TERF2: variants seen among roughly 807,000 people sequenced by gnomAD.
TERF2 encodes the protein telomeric repeat-binding factor 2.
A neutral mutation model predicts 56.1 loss-of-function variants in TERF2; 16 were observed. The ratio of observed to expected loss-of-function variants is 0.29; its 90% CI spans 0.19 to 0.43. The LOEUF (loss-of-function observed/expected upper bound fraction) is 0.43, where lower values mean the gene tolerates loss of function less well. Among genes scored for constraint, TERF2 ranks in the 20% least tolerant of loss-of-function variants. TERF2 has a pLI of 1.00. For synonymous variants in TERF2, 296 were observed against 282.1 expected, an observed-to-expected ratio of 1.05 and a Z score of -0.50; for missense variants, 547 against 712.9, an observed-to-expected ratio of 0.77 and a Z score of 2.65.
chr16:69,358,715 A>G (rs963298111), intron 8 of TERF2, among the ~76,000 whole-genome samples: 7 of 151,576 alleles, frequency 4.6e-5, no homozygotes, highest in Non-Finnish European at 7.4e-5. Context: ...TCATGTCCCC[A>G]TGTCTAACAA....
intron 6 of TERF2, among the ~76,000 whole-genome samples, chr16:69,367,450 C>T (rs1279344381): frequency 6.6e-6 from 1 of 152,062 alleles, no homozygotes; most frequent in Non-Finnish European, 1.5e-5. Flanking sequence ...TACAGTGGCA[C>T]AAACACAGCT....
At chr16:69,385,370 A>G (rs764233721) in intron 2 of TERF2, 21 bp downstream of exon 2, 4 of 1,603,750 alleles carry the variant, frequency 2.5e-6, no homozygotes, top group Non-Finnish European at 3.4e-6. Context: ...AGCCCAGAGA[A>G]GAACACAAAA....
chr16:69,365,487 T>A (rs1318485489), intron 7 of TERF2: 1 of 152,544 alleles, frequency 6.6e-6, no homozygotes, highest in African/African-American at 2.4e-5. Context: ...TCACTAGTGG[T>A]GACCAGGGAG....
At chr16:69,369,679 G>A (rs1291366519) in intron 5 of TERF2, among the ~76,000 whole-genome samples, 1 of 152,110 alleles carries the variant, frequency 6.6e-6, no homozygotes, top group Non-Finnish European at 1.5e-5. Context: ...TGACAGCCTG[G>A]GTCTAGTTCT....
In TERF2 at chr16:69,363,275, G is replaced by A. The variant is rs547827244; in HGVS notation, c.1341-1786C>T. Reference sequence around the variant, plus strand: ...TGGAACCTCAGTCCCCAGCTGGTCCGTCATGTTCCCTGAGTGGCTGTCCTC... The same window carrying A: ...TGGAACCTCAGTCCCCAGCTGGTCCATCATGTTCCCTGAGTGGCTGTCCTC... On this transcript the variant is annotated intron_variant, in intron 7 of 9. Coordinates refer to ENST00000254942, the MANE Select transcript of TERF2 (RefSeq NM_005652.5). Among the ~76,000 whole-genome samples, 203 of 152,286 alleles carry A rather than the reference G, an allele frequency of 1.3e-3. 1 individual carries two copies. The highest frequency in any genetic ancestry group is 4.6e-3 in the African/African-American group (190 of 41,550).
intron 3 of TERF2, among the ~76,000 whole-genome samples, chr16:69,377,490 GC>G (rs2013838517): frequency 6.6e-6 from 1 of 152,042 alleles, no homozygotes; most frequent in South Asian, 2.1e-4. Context: ...ACCATGCCCA[GC>G]TAATTTTTGT....
At chr16:69,381,884 T>G (rs1201274319) in intron 3 of TERF2, among the ~76,000 whole-genome samples, 1 of 152,198 alleles carries the variant, frequency 6.6e-6, no homozygotes, top group East Asian at 1.9e-4. Context: ...AAGACATTCT[T>G]TTTTAAATTT....
At chr16:69,375,456 C>T (rs1304923382) in intron 3 of TERF2, among the ~76,000 whole-genome samples, 1 of 152,146 alleles carries the variant, frequency 6.6e-6, no homozygotes, top group African/African-American at 2.4e-5. Context: ...CTCAGCACTT[C>T]AGAAGGCCAA....
At position 69,368,692 on chromosome 16, in the gene TERF2, TTTGAGAGGGA is replaced by T; in HGVS notation, c.841-220_841-211del. The T allele has an allele frequency of 3.1e-6, 4 of 1,283,538 alleles. No homozygotes were observed. In the East Asian group the frequency reaches 1.3e-4, roughly 41 times the overall value. 79.5% of individuals were successfully genotyped at this position (1,283,538 alleles called of 1,614,324 possible). A position where few individuals can be genotyped will look rare whatever the true frequency, so the allele number is the denominator to read the frequency against. ...AACTTAAGATAACTAATACATTTTT[TTTGAGAGGGA>T]GTCTTGCTCTGTCGCCCAGGCTGCA... On this transcript the variant is annotated intron_variant, in intron 5 of 9. Transcript: ENST00000254942.
At position 69,361,432 on chromosome 16, in the gene TERF2, C is replaced by T. The variant is rs1215635063; in HGVS notation, c.1398G>A (p.Val466=). 5 of 1,614,000 alleles carry T rather than the reference C, an allele frequency of 3.1e-6. No individual in the cohort carries two copies. In the East Asian group the frequency reaches 1.1e-4, roughly 36 times the overall value. Residue 466 remains valine (V), a synonymous_variant, in exon 8 of 10, where the codon GTG becomes GTA. Transcript: ENST00000254942. Reference sequence around the variant, plus strand: ...GAACTTGAAACAGTTCATCCTCTTCCACCCAAGTCTCCTTTTCTTCAACCC... The same window carrying T: ...GAACTTGAAACAGTTCATCCTCTTCTACCCAAGTCTCCTTTTCTTCAACCC... ...SNGVEEKETW[V]EEDELFQVQA...
At chr16:69,367,255 A>G in intron 6 of TERF2, 56 bp from the exon 7 acceptor site, 1 of 1,520,668 alleles carries the variant, frequency 6.6e-7, no homozygotes, top group South Asian at 1.3e-5. Context: ...TGCTCATCCA[A>G]ACAGCCACAA....
In TERF2 at chr16:69,357,531, A is replaced by G. The variant is rs1284545445; in HGVS notation, c.1457T>C (p.Ile486Thr). 8 of 1,612,804 alleles carry G rather than the reference A, an allele frequency of 5.0e-6. No homozygotes were observed. In the East Asian group the frequency reaches 1.1e-4, roughly 22 times the overall value. The change falls in exon 9 of 10, where the codon ATA becomes ACA. Residue 486 changes from isoleucine to threonine, a missense_variant. Around this residue, in one of 6 missense-constraint regions of TERF2, gnomAD observed 211 missense variants for 236.8 expected, o/e 0.89. Coordinates refer to ENST00000254942, the MANE Select transcript of TERF2 (RefSeq NM_005652.5). ...ATTTTAAATTACCTGCTTTTTTGTT[A>G]TATTGGTTGTACTGTCTTCATCTGG... Reference protein sequence around the residue: ...AAPDEDSTTNITKKQKWTVEE... With the variant: ...AAPDEDSTTNTTKKQKWTVEE...
At chr16:69,364,142 G>A (rs939016404) in intron 7 of TERF2, among the ~76,000 whole-genome samples, 5 of 152,178 alleles carry the variant, frequency 3.3e-5, no homozygotes, top group African/African-American at 1.2e-4. Flanking sequence ...TTTACTTGGT[G>A]AATAAATACC....
chr16:69,364,663 G>A (rs1304711284), intron 7 of TERF2, among the ~76,000 whole-genome samples: 3 of 152,000 alleles, frequency 2.0e-5, no homozygotes, highest in Non-Finnish European at 4.4e-5. Flanking sequence ...CTCCCACTGC[G>A]TAGAGTCCCC....
In TERF2 at chr16:69,367,215, A is replaced by G. The variant is rs756885187; in HGVS notation, c.948-16T>C. On this transcript the variant is annotated splice_polypyrimidine_tract_variant and intron_variant, in intron 6 of 9. Transcript: ENST00000254942. ...CCGTAGCTGCCTGCAAATCAAGCATAGGCACAAAGATGTTTTTCACCACTG... is the reference window on the plus strand; with the variant it reads ...CCGTAGCTGCCTGCAAATCAAGCATGGGCACAAAGATGTTTTTCACCACTG... 8 of 1,582,464 alleles carry G rather than the reference A, an allele frequency of 5.1e-6. No individual in the cohort carries two copies. The East Asian group carries it at 1.8e-4, about 36-fold the overall frequency.
Position 69,356,333 on chromosome 16 carries a change from CTAA to C in TERF2, c.*562_*564del. The C allele has an allele frequency of 2.6e-6, 1 of 382,620 alleles. No individual in the cohort carries two copies. Among genetic ancestry groups the C allele is most frequent in the Admixed American group, 3.4e-5 (1 of 29,656 alleles). 23.7% of individuals were successfully genotyped at this position (382,620 alleles called of 1,614,324 possible). A position where few individuals can be genotyped will look rare whatever the true frequency, so the allele number is the denominator to read the frequency against. On this transcript the variant is annotated 3_prime_UTR_variant, in exon 10 of 10. Coordinates refer to ENST00000254942, the MANE Select transcript of TERF2 (RefSeq NM_005652.5). ...AGCAAACCACTAAAGAAGGGAAACG[CTAA>C]TGATATTCTGGCACTGCACAAGCTG...
intron 3 of TERF2, 27 bp downstream of exon 3, chr16:69,384,553 A>G (rs936953908): frequency 1.2e-6 from 2 of 1,606,216 alleles, no homozygotes; most frequent in South Asian, 1.1e-5. Flanking sequence ...TTGGTCAAAG[A>G]AAAAAGATAT....
At chr16:69,368,268 G>A (rs1423131219) in intron 6 of TERF2, 108 bp downstream of exon 6, 22 of 994,954 alleles carry the variant, frequency 2.2e-5, no homozygotes, top group South Asian at 4.3e-5. Context: ...CTCGTAACAC[G>A]TTAGTAGGTC....
intron 3 of TERF2, among the ~76,000 whole-genome samples, chr16:69,374,329 C>A (rs2013687895): frequency 6.6e-6 from 1 of 151,940 alleles, no homozygotes; most frequent in African/African-American, 2.4e-5. Context: ...CCTGTGTAGT[C>A]ACACCTAACC....
Sources: gnomAD v4.1 joint callset for allele counts (sites outside exome capture counted in the v4.1 genomes callset) on GRCh38, gnomAD v4.1.1 for gene constraint, gnomAD v4.1.1 regional missense constraint, MANE v1.5 for transcripts, NCBI Gene and HGNC (gene_info 2026-07-23, HGNC 2026-07-21) for gene names.